CEP112: variants seen among roughly 807,000 people sequenced by gnomAD.
CEP112 encodes centrosomal protein 112.
A neutral mutation model predicts 153.0 loss-of-function variants in CEP112; 127 were observed. The ratio of observed to expected loss-of-function variants is 0.83; its 90% CI spans 0.72 to 0.96. The LOEUF (loss-of-function observed/expected upper bound fraction) is 0.96, where lower values mean the gene tolerates loss of function less well. Ranked by LOEUF, CEP112 falls within the 40% of genes least tolerant of loss-of-function variation. The pLI, the probability that CEP112 is intolerant of heterozygous loss-of-function variation, is 0.00. For synonymous variants in CEP112, 358 were observed against 374.4 expected (o/e 0.96, Z 0.51); for missense variants, 1,089 against 1,101.2 (o/e 0.99, Z 0.16).
At chr17:65,638,557 C>A (rs1011287586) in intron 25 of CEP112, among the ~76,000 whole-genome samples, 3 of 152,148 alleles carry the variant, frequency 2.0e-5, no homozygotes, top group African/African-American at 7.2e-5. Flanking sequence ...TTGTATAGCA[C>A]CCTGGTCTTC....
chr17:66,187,016 C>T (rs997489963), intron 1 of CEP112, among the ~76,000 whole-genome samples: 2 of 152,166 alleles, frequency 1.3e-5, no homozygotes, highest in African/African-American at 2.4e-5. Context: ...CTATCAATTG[C>T]CTATTTGCTA....
In CEP112 at chr17:65,881,401, G is replaced by GGTGTGTGT. The variant is rs34374244; in HGVS notation, c.2163+20743_2163+20750dup. Among the ~76,000 whole-genome samples the GGTGTGTGT allele has an allele frequency of 7.8e-3, 1,178 of 150,480 alleles. 22 individuals carry two copies. The highest frequency in any genetic ancestry group is 0.027 in the African/African-American group (1,102 of 41,028). The stretch of plus-strand genomic sequence containing the variant: ...AACTTCAGAGGCAAAGCAGAAAACA[G>GGTGTGTGT]GTGTGTGTGTGTGTGTGTGTATGCA... On this transcript the variant is annotated intron_variant, in intron 20 of 26. Coordinates refer to ENST00000535342, the MANE Select transcript of CEP112 (RefSeq NM_001199165.4).
intron 2 of CEP112, among the ~76,000 whole-genome samples, chr17:66,180,074 T>C (rs1241793748): frequency 6.6e-6 from 1 of 152,170 alleles, no homozygotes; most frequent in Non-Finnish European, 1.5e-5. Flanking sequence ...AATATATTGT[T>C]GAATTCTGCT....
At chr17:66,011,077 C>G (rs916229155) in intron 16 of CEP112, among the ~76,000 whole-genome samples, 3 of 151,984 alleles carry the variant, frequency 2.0e-5, no homozygotes, top group African/African-American at 7.3e-5. Flanking sequence ...GGCTGTGGAT[C>G]CCTCTGGTCC....
At chr17:66,165,597 G>A (rs1162698698) in intron 4 of CEP112, among the ~76,000 whole-genome samples, 2 of 152,102 alleles carry the variant, frequency 1.3e-5, no homozygotes, top group Non-Finnish European at 2.9e-5. Flanking sequence ...ATATAAAAGT[G>A]GAGTTTAACA....
At chr17:65,641,197 GA>G (rs1312433772) in intron 24 of CEP112, 132 bp from the exon 25 acceptor site, 8 of 571,400 alleles carry the variant, frequency 1.4e-5, no homozygotes, top group Admixed American at 1.3e-4. Context: ...AGACAATAAA[GA>G]TGAAATAAGA....
intron 11 of CEP112, 21 bp from the exon 12 acceptor site, chr17:66,053,900 T>G (rs755532564): frequency 1.3e-6 from 2 of 1,599,792 alleles, no homozygotes; most frequent in Non-Finnish European, 1.7e-6. Flanking sequence ...AAATCAAGAG[T>G]TGACTCTTTT....
intron 16 of CEP112, among the ~76,000 whole-genome samples, chr17:66,024,823 A>G (rs946566549): frequency 6.6e-6 from 1 of 152,204 alleles, no homozygotes; most frequent in African/African-American, 2.4e-5. Flanking sequence ...ATTAAAAAAG[A>G]GCCAGAAGAG....
intron 21 of CEP112, among the ~76,000 whole-genome samples, chr17:65,788,325 T>C (rs567524857): frequency 3.9e-5 from 6 of 152,312 alleles, no homozygotes; most frequent in Middle Eastern, 3.4e-3. Context: ...GGTTAGGAAT[T>C]TTACACTTAA....
At chr17:65,650,736 A>T (rs11079577) in intron 24 of CEP112, among the ~76,000 whole-genome samples, 907 of 50,108 alleles carry the variant, frequency 0.018, 8 homozygotes, top group African/African-American at 0.059. Context: ...CTACTAAAAA[A>T]AAAAAAAAAA....
intron 6 of CEP112, among the ~76,000 whole-genome samples, chr17:66,123,631 T>C (rs1186936247): frequency 6.6e-6 from 1 of 152,248 alleles, no homozygotes; most frequent in African/African-American, 2.4e-5. Flanking sequence ...CATGCTACCA[T>C]TCTAGAAATA....
At chr17:65,971,608 A>G (rs917055753) in intron 17 of CEP112, among the ~76,000 whole-genome samples, 3 of 128,398 alleles carry the variant, frequency 2.3e-5, no homozygotes, top group Admixed American at 7.1e-5. Flanking sequence ...TATTGTGTGC[A>G]TATTATATGT....
At chr17:66,042,599 G>C (rs1419974994) in intron 12 of CEP112, among the ~76,000 whole-genome samples, 1 of 152,044 alleles carries the variant, frequency 6.6e-6, no homozygotes, top group Non-Finnish European at 1.5e-5. Flanking sequence ...AAGTAAGGAG[G>C]CCTAACAACT....
intron 17 of CEP112, among the ~76,000 whole-genome samples, chr17:65,978,015 T>C (rs2063099139): frequency 6.6e-6 from 1 of 152,098 alleles, no homozygotes; most frequent in African/African-American, 2.4e-5. Context: ...GTGGAGTTTG[T>C]GGTGAGCAGA....
At chr17:65,640,154 A>ATATATATTTTT (rs1300751452) in intron 25 of CEP112, among the ~76,000 whole-genome samples, 7 of 78,338 alleles carry the variant, frequency 8.9e-5, no homozygotes, top group African/African-American at 4.9e-4. Flanking sequence ...ATATATATAT[A>ATATATATTTTT]TTTTTTTTTT....
At chr17:65,692,908 T>G (rs773049819) in intron 23 of CEP112, among the ~76,000 whole-genome samples, 60 of 152,194 alleles carry the variant, frequency 3.9e-4, no homozygotes, top group Admixed American at 6.5e-4. Context: ...AGATATTTAC[T>G]TCAATCATCA....
At chr17:65,826,425 A>G in intron 21 of CEP112, 1 of 1,565,458 alleles carries the variant, frequency 6.4e-7, no homozygotes. Flanking sequence ...TAGAAAGGTG[A>G]CTTGGGCCCA....
At position 65,654,056 on chromosome 17, in the gene CEP112, C is replaced by CAAAAAAA. The variant is rs773433478; in HGVS notation, c.2698-12998_2698-12992dup. Among the ~76,000 whole-genome samples, 104 of 26,870 alleles carry CAAAAAAA rather than the reference C, an allele frequency of 3.9e-3. 3 individuals carry two copies. Among genetic ancestry groups the CAAAAAAA allele is most frequent in the African/African-American group, 0.015 (95 of 6,282 alleles). 17.6% of individuals were successfully genotyped at this position (26,870 alleles called of 152,430 possible). On this transcript the variant is annotated intron_variant, in intron 24 of 26. Coordinates refer to ENST00000535342, the MANE Select transcript of CEP112 (RefSeq NM_001199165.4). ...CCTGGCAACCAGAGCAAGACTCCAT[C>CAAAAAAA]AAAAAAAAAAAAAAAAAAAAAAAAA...
At chr17:65,811,456 A>G (rs1265036171) in intron 21 of CEP112, among the ~76,000 whole-genome samples, 1 of 152,180 alleles carries the variant, frequency 6.6e-6, no homozygotes, top group African/African-American at 2.4e-5. Context: ...AATGCCAGAA[A>G]CCAAAATTTT....
Sources: gnomAD v4.1 joint callset for allele counts (sites outside exome capture counted in the v4.1 genomes callset) on GRCh38, gnomAD v4.1.1 for gene constraint, MANE v1.5 for transcripts, NCBI Gene and HGNC (gene_info 2026-07-23, HGNC 2026-07-21) for gene names.